VSIG2: variants seen among roughly 807,000 people sequenced by gnomAD.
VSIG2 encodes the protein V-set and immunoglobulin domain-containing protein 2.
VSIG2 carries 30 observed loss-of-function variants against 29.4 expected under a neutral mutation model. That is an observed-to-expected ratio of 1.02 (90% CI 0.76 to 1.38). The LOEUF (loss-of-function observed/expected upper bound fraction) is 1.38. VSIG2 is among the 40% of genes most tolerant of loss of function. The pLI is 0.00. For missense variants in VSIG2, 421 were observed against 400.8 expected (o/e 1.05, Z -0.43); for synonymous variants, 178 against 174.2 (o/e 1.02, Z -0.17).
At chr11:124,751,726 A>C in intron 1 of VSIG2, 146 bp from the exon 2 acceptor site, 2 of 973,506 alleles carry the variant, frequency 2.1e-6, no homozygotes, top group Non-Finnish European at 2.9e-6. Flanking sequence ...TCCCTTCCCA[A>C]AACCTGAGGT....
intron 6 of VSIG2, chr11:124,748,066 C>G: frequency 2.6e-6 from 1 of 378,340 alleles, no homozygotes; most frequent in Non-Finnish European, 4.7e-6. Flanking sequence ...CATCTACAAG[C>G]CACTACTACT....
At chr11:124,749,311 C>T (rs1944053598) in intron 4 of VSIG2, among the ~76,000 whole-genome samples, 1 of 152,014 alleles carries the variant, frequency 6.6e-6, no homozygotes, top group Admixed American at 6.5e-5. Context: ...AAGGCTCCTC[C>T]AAAGAAACTG....
intron 4 of VSIG2, among the ~76,000 whole-genome samples, chr11:124,749,392 C>T (rs187646872): frequency 5.9e-5 from 9 of 152,114 alleles, no homozygotes; most frequent in Non-Finnish European, 1.0e-4. Flanking sequence ...AAGTGGTCCA[C>T]GACCCTTAGG....
intron 4 of VSIG2, among the ~76,000 whole-genome samples, chr11:124,749,055 T>C (rs1944050759): frequency 6.6e-6 from 1 of 151,876 alleles, no homozygotes; most frequent in African/African-American, 2.4e-5. Flanking sequence ...GGAGTCGGGG[T>C]GGGGTGCTTA....
At chr11:124,750,341 G>C (rs1458250673) in intron 3 of VSIG2, among the ~76,000 whole-genome samples, 1 of 152,154 alleles carries the variant, frequency 6.6e-6, no homozygotes, top group Non-Finnish European at 1.5e-5. Flanking sequence ...TCAGTAATAG[G>C]GGCCCTTGTT....
chr11:124,748,431 CCT>C lies in VSIG2; in HGVS notation c.808_809del (p.Arg270GlyfsTer11), dbSNP rs1944041965. 3.7e-6 allele frequency: 6 copies of C among 1,614,146 alleles called. No individual in the cohort carries two copies. The highest frequency in any genetic ancestry group is 5.1e-6 in the Non-Finnish European group (6 of 1,180,016). On this transcript the variant is annotated frameshift_variant, in exon 6 of 7. Transcript: ENST00000326621. LOFTEE classifies it high-confidence loss of function. The stretch of plus-strand genomic sequence containing the variant: ...CATATGTCTCCTTGGGCTTCTTCCC[CCT>C]CTCTTTCTGGAACCTGACCAGGCAG... ...AFCLVRFQKERGKKPKETYGG... is the reference protein window; with the variant it reads ...AFCLVRFQKEXGKKPKETYGG...
chr11:124,751,035 G>T, intron 2 of VSIG2, 114 bp from the exon 3 acceptor site: 1 of 1,117,196 alleles, frequency 9.0e-7, no homozygotes, highest in Non-Finnish European at 1.3e-6. Context: ...AGCCAGGGAG[G>T]CTGATACCCT....
chr11:124,748,838 G>A (rs761281903), intron 4 of VSIG2, 75 bp from the exon 5 acceptor site: 100 of 1,607,674 alleles, frequency 6.2e-5, no homozygotes, highest in Non-Finnish European at 8.3e-5. Flanking sequence ...CACATTTCAT[G>A]TCATCCTTAT....
chr11:124,748,565 T>G, intron 5 of VSIG2, 31 bp from the exon 6 acceptor site: 1 of 1,610,158 alleles, frequency 6.2e-7, no homozygotes, highest in Non-Finnish European at 8.5e-7. Context: ...CACTCAGAAT[T>G]GCAGGCTTTC....
Position 124,750,777 on chromosome 11 carries a change from G to A in VSIG2, c.364C>T (p.Gln122Ter). Residue 122 changes from glutamine (Q) to a stop codon, truncating the protein, a stop_gained, in exon 3 of 7, where the codon CAA (glutamine) becomes TAA (stop). Transcript: ENST00000326621. LOFTEE classifies it high-confidence loss of function. ...HPSDTGTYLC[Q>*]VNNPPDFYTN... is the part of the protein sequence containing the mutation. ...TAGAAATCTGGTGGGTTGTTGACTT[G>A]GCAGAGGTAGGTTCCAGTATCTGAG... The A allele has an allele frequency of 1.2e-6, 2 of 1,611,854 alleles. No homozygotes were observed.
In VSIG2 at chr11:124,752,188, C is replaced by T; in HGVS notation, c.-51G>A. On this transcript the variant is annotated 5_prime_UTR_variant, in exon 1 of 7. Transcript: ENST00000326621. ...CTCCTGCCAGGTGGGCGGTCAAGGT[C>T]GGTCTGGGTGTCGGGCAGGGAAGGG... The T allele has an allele frequency of 6.6e-7, 1 of 1,507,152 alleles. No homozygotes were observed. The highest frequency in any genetic ancestry group is 8.8e-7 in the Non-Finnish European group (1 of 1,132,856). The allele number at this position is 1,507,152 out of a possible 1,614,324, so 93.4% of individuals were successfully genotyped here.
chr11:124,748,205 G>C, intron 6 of VSIG2, 185 bp downstream of exon 6: 2 of 665,322 alleles, frequency 3.0e-6, no homozygotes, highest in Non-Finnish European at 5.0e-6. Flanking sequence ...ACTCCACCCT[G>C]TACCGCTTGC....
At position 124,750,810 on chromosome 11, in the gene VSIG2, CGTCA is replaced by C. The variant is rs1400050002; in HGVS notation, c.327_330del (p.Asp110SerfsTer26). ...TAGGTTCCAGTATCTGAGGGGTGGACGTCAGTCAGTTTCAGTGTGGCCACCCCCA... is the reference window on the plus strand; with the variant it reads ...TAGGTTCCAGTATCTGAGGGGTGGACGTCAGTTTCAGTGTGGCCACCCCCA... On this transcript the variant is annotated frameshift_variant, in exon 3 of 7. Transcript: ENST00000326621. LOFTEE classifies it high-confidence loss of function. The C allele has an allele frequency of 1.2e-6, 2 of 1,613,932 alleles. No individual in the cohort carries two copies. The highest frequency in any genetic ancestry group is 1.7e-6 in the Non-Finnish European group (2 of 1,180,010).
At position 124,752,172 on chromosome 11, in the gene VSIG2, G is replaced by A; in HGVS notation, c.-35C>T. 6.5e-7 allele frequency: 1 copy of A among 1,534,720 alleles called. No individual in the cohort carries two copies. The highest frequency in any genetic ancestry group is 8.7e-7 in the Non-Finnish European group (1 of 1,147,412). Reference sequence around the variant, plus strand: ...CGGCCGTCCTGTCCTGCTCCTGCCAGGTGGGCGGTCAAGGTCGGTCTGGGT... The same window carrying A: ...CGGCCGTCCTGTCCTGCTCCTGCCAAGTGGGCGGTCAAGGTCGGTCTGGGT... On this transcript the variant is annotated 5_prime_UTR_variant, in exon 1 of 7. Transcript: ENST00000326621.
rs771627662 is a variant in VSIG2, at chr11:124,750,837, C to A, written c.304G>T (p.Gly102Trp). The change falls in exon 3 of 7, where the codon GGG becomes TGG. Residue 102 changes from glycine to tryptophan, a missense_variant. Physicochemically the swap from Gly to Trp is radical, Grantham distance 184. Transcript: ENST00000326621. ...VSLLQNPPTV[G>W]VATLKLTDVH... is the part of the protein sequence containing the mutation. ...TCAGTCAGTTTCAGTGTGGCCACCC[C>A]CACTGTGGGGGGGTTCTGAAGCAGG... 5 of 1,613,954 alleles carry A rather than the reference C, an allele frequency of 3.1e-6. No individual in the cohort carries two copies. In the Admixed American group the frequency reaches 8.3e-5, roughly 27 times the overall value.
At position 124,749,872 on chromosome 11, in the gene VSIG2, A is replaced by AGAC; in HGVS notation, c.428-7_428-6insGTC. On this transcript the variant is annotated splice_polypyrimidine_tract_variant and splice_region_variant and intron_variant, in intron 3 of 6. Coordinates refer to ENST00000326621, the MANE Select transcript of VSIG2 (RefSeq NM_014312.5). The stretch of plus-strand genomic sequence containing the variant: ...TAAGGGATTACTGGGGGGAACTGCA[A>AGAC]AAAAAAAAAAAAAAAAAAAAAAACA... The AGAC allele has an allele frequency of 2.6e-6, 2 of 758,402 alleles. No homozygotes were observed. The highest frequency in any genetic ancestry group is 2.4e-5 in the South Asian group (1 of 41,986). 47.0% of individuals were successfully genotyped at this position (758,402 alleles called of 1,614,324 possible). A position where few individuals can be genotyped will look rare whatever the true frequency, so the allele number is the denominator to read the frequency against.
At position 124,749,857 on chromosome 11, in the gene VSIG2, C is replaced by G; in HGVS notation, c.437G>C (p.Ser146Thr). 1.4e-6 allele frequency: 1 copy of G among 720,748 alleles called. No individual in the cohort carries two copies. The highest frequency in any genetic ancestry group is 2.0e-6 in the Non-Finnish European group (1 of 496,182). The allele number at this position is 720,748 out of a possible 1,614,324, so 44.6% of individuals were successfully genotyped here. A position where few individuals can be genotyped will look rare whatever the true frequency, so the allele number is the denominator to read the frequency against. ...LINLTVLVPP[S>T]NPLCSQSGQT... ...TCCACTCTGACTGCATAAGGGATTA[C>G]TGGGGGGAACTGCAAAAAAAAAAAA... Residue 146 changes from serine to threonine, a missense_variant, in exon 4 of 7, where the codon AGT becomes ACT. Coordinates refer to ENST00000326621, the MANE Select transcript of VSIG2 (RefSeq NM_014312.5).
chr11:124,750,691 C>G (rs61910625), intron 3 of VSIG2, 23 bp downstream of exon 3: 9 of 1,610,020 alleles, frequency 5.6e-6, no homozygotes, highest in Non-Finnish European at 7.6e-6. Context: ...GTATGTGGCT[C>G]GTGGATCCCC....
chr11:124,751,429 G>T lies in VSIG2; in HGVS notation c.213C>A (p.Ser71=). The T allele has an allele frequency of 6.2e-7, 1 of 1,612,036 alleles. No individual in the cohort carries two copies. The highest frequency in any genetic ancestry group is 8.5e-7 in the Non-Finnish European group (1 of 1,179,988). The change falls in exon 2 of 7, where the codon TCC becomes TCA. Residue 71 remains serine, a synonymous_variant. Coordinates refer to ENST00000326621, the MANE Select transcript of VSIG2 (RefSeq NM_014312.5). ...GCAGTCGCTCTCAGCTCACTGGATG[G>T]GACTCAGAGATGGGTTTCCCAGGCT... is the stretch of plus-strand genomic sequence containing the variant. The part of the protein sequence containing the change: ...FVQPGKPISE[S]HPILYFTNGH...
Sources: gnomAD v4.1 joint callset for allele counts (sites outside exome capture counted in the v4.1 genomes callset) on GRCh38, gnomAD v4.1.1 for gene constraint, MANE v1.5 for transcripts, NCBI Gene and HGNC (gene_info 2026-07-23, HGNC 2026-07-21) for gene names.